CACNB4: variants seen among roughly 807,000 people sequenced by gnomAD.
CACNB4 encodes voltage-dependent L-type calcium channel subunit beta-4.
A neutral mutation model predicts 71.2 loss-of-function variants in CACNB4; 32 were observed. The observed-to-expected ratio is 0.45, with a 90% confidence interval of 0.34 to 0.60. The LOEUF (loss-of-function observed/expected upper bound fraction) is 0.60, where lower values mean the gene tolerates loss of function less well. Among genes scored for constraint, CACNB4 ranks in the 20% least tolerant of loss-of-function variants. The pLI, the probability that CACNB4 is intolerant of heterozygous loss-of-function variation, is 0.01. For missense variants in CACNB4, 464 were observed against 647.9 expected (o/e 0.72, Z 3.08); for synonymous variants, 231 against 236.9 (o/e 0.97, Z 0.23).
intron 2 of CACNB4, among the ~76,000 whole-genome samples, chr2:152,042,061 A>C (rs1453489974): frequency 6.6e-6 from 1 of 152,178 alleles, no homozygotes; most frequent in African/African-American, 2.4e-5. Context: ...CTCACCCTAA[A>C]TGCAGAGCCA....
rs1364535414 is a variant in CACNB4 at position 151,889,456 on chromosome 2, ACT to A, written c.148-6088_148-6087del. Among the ~76,000 whole-genome samples, 181 of 122,110 alleles carry A rather than the reference ACT, an allele frequency of 1.5e-3. 2 individuals carry two copies. The highest frequency in any genetic ancestry group is 5.3e-3 in the African/African-American group (173 of 32,808). The allele number at this position is 122,110 out of a possible 152,430, so 80.1% of individuals were successfully genotyped here. ...ACTCCAGCCTGGGCAACAGAGTGAG[ACT>A]CTGTCTCAAAAAAAAAAAAAAAAAA... On this transcript the variant is annotated intron_variant, in intron 2 of 13. Coordinates refer to ENST00000539935, the MANE Select transcript of CACNB4 (RefSeq NM_000726.5).
intron 2 of CACNB4, among the ~76,000 whole-genome samples, chr2:151,975,951 C>T (rs1317330416): frequency 6.6e-6 from 1 of 152,172 alleles, no homozygotes; most frequent in Non-Finnish European, 1.5e-5. Flanking sequence ...CAAATTGTTC[C>T]CAACTGGATA....
At chr2:152,072,243 ACCAGCCAAGAATGGGGACCATCATT>A (rs1686735728) in intron 2 of CACNB4, among the ~76,000 whole-genome samples, 1 of 152,222 alleles carries the variant, frequency 6.6e-6, no homozygotes, top group South Asian at 2.1e-4. Context: ...GCAGTAGGAC[ACCAGCCAAGAATGGGGACCATCATT>A]CCAGACCAAG....
At chr2:152,061,935 C>T (rs2105335239) in intron 2 of CACNB4, among the ~76,000 whole-genome samples, 1 of 151,520 alleles carries the variant, frequency 6.6e-6, no homozygotes, top group Non-Finnish European at 1.5e-5. Flanking sequence ...TCACATGAAC[C>T]CAGGAGGCAG....
chr2:151,917,471 G>A (rs1002858962), intron 2 of CACNB4, among the ~76,000 whole-genome samples: 15 of 152,150 alleles, frequency 9.9e-5, no homozygotes, highest in African/African-American at 2.2e-4. Flanking sequence ...AAAGAGCTCC[G>A]CACAGGGCAG....
At chr2:151,893,569 G>A (rs182663575) in intron 2 of CACNB4, among the ~76,000 whole-genome samples, 141 of 152,040 alleles carry the variant, frequency 9.3e-4, no homozygotes, top group African/African-American at 3.3e-3. Flanking sequence ...ATAAATTATA[G>A]ATGAAGAGAT....
At chr2:151,880,767 C>A (rs369081409) in intron 4 of CACNB4, 33 bp downstream of exon 4, 150 of 1,595,792 alleles carry the variant, frequency 9.4e-5, no homozygotes, top group Middle Eastern at 5.5e-4. Flanking sequence ...AGCTTTTTGG[C>A]AGGTGAAGGG....
At chr2:152,054,096 G>T (rs12693222) in intron 2 of CACNB4, among the ~76,000 whole-genome samples, 3 of 151,832 alleles carry the variant, frequency 2.0e-5, no homozygotes, top group Non-Finnish European at 4.4e-5. Flanking sequence ...GGCCGGGCGC[G>T]GTGGCTCACG....
chr2:151,991,312 T>G (rs987714933), intron 2 of CACNB4, among the ~76,000 whole-genome samples: 5 of 152,218 alleles, frequency 3.3e-5, no homozygotes, highest in Admixed American at 6.5e-5. Flanking sequence ...CAATAACATT[T>G]AATCCAAAAT....
At chr2:152,038,614 T>C (rs899273585) in intron 2 of CACNB4, among the ~76,000 whole-genome samples, 3 of 152,150 alleles carry the variant, frequency 2.0e-5, no homozygotes, top group African/African-American at 7.2e-5. Context: ...TAACAGCTCA[T>C]TAACAGCAGA....
intron 2 of CACNB4, among the ~76,000 whole-genome samples, chr2:151,965,309 C>A (rs2099870787): frequency 6.6e-6 from 1 of 152,204 alleles, no homozygotes; most frequent in Admixed American, 6.5e-5. Flanking sequence ...CAAGTCAGGA[C>A]TGACTTTTTC....
chr2:152,057,923 A>T (rs1685808400), intron 2 of CACNB4, among the ~76,000 whole-genome samples: 1 of 152,196 alleles, frequency 6.6e-6, no homozygotes, highest in African/African-American at 2.4e-5. Flanking sequence ...TTGAATCGTA[A>T]TCTGCATAAT....
chr2:152,084,143 T>C (rs941511606), intron 2 of CACNB4, among the ~76,000 whole-genome samples: 3 of 152,074 alleles, frequency 2.0e-5, no homozygotes, highest in African/African-American at 7.2e-5. Flanking sequence ...TTAGGTGCAG[T>C]TCGGGGCAGA....
At chr2:151,909,595 T>A (rs969329511) in intron 2 of CACNB4, among the ~76,000 whole-genome samples, 2 of 151,510 alleles carry the variant, frequency 1.3e-5, no homozygotes, top group African/African-American at 4.8e-5. Flanking sequence ...GCAGGCCCTG[T>A]GTGTGTTGTT....
intron 2 of CACNB4, among the ~76,000 whole-genome samples, chr2:151,975,844 T>C (rs539697401): frequency 6.6e-6 from 1 of 152,326 alleles, no homozygotes; most frequent in East Asian, 1.9e-4. Context: ...ACCACTTCAA[T>C]TGCAAGTATA....
At chr2:151,970,889 T>C (rs2099872334) in intron 2 of CACNB4, 1 of 151,288 alleles carries the variant, frequency 6.6e-6, no homozygotes, top group Admixed American at 6.6e-5. Flanking sequence ...TTAACTACCC[T>C]CCTGGACACC....
chr2:151,995,353 T>C (rs1681982932), intron 2 of CACNB4, among the ~76,000 whole-genome samples: 1 of 152,234 alleles, frequency 6.6e-6, no homozygotes, highest in Non-Finnish European at 1.5e-5. Context: ...GTAAGATTTA[T>C]GGCTCACAGC....
chr2:151,863,076 A>T (rs1436174087), intron 9 of CACNB4, among the ~76,000 whole-genome samples: 2 of 149,660 alleles, frequency 1.3e-5, no homozygotes, highest in African/African-American at 4.9e-5. Flanking sequence ...TTTTAATTTA[A>T]TTTTTTTGAG....
At chr2:151,855,814 C>T (rs1266477148) in intron 10 of CACNB4, among the ~76,000 whole-genome samples, 3 of 152,108 alleles carry the variant, frequency 2.0e-5, no homozygotes, top group Non-Finnish European at 4.4e-5. Flanking sequence ...TAAACTAATA[C>T]TTTGTGGACA....
Sources: gnomAD v4.1 joint callset for allele counts (sites outside exome capture counted in the v4.1 genomes callset) on GRCh38, gnomAD v4.1.1 for gene constraint, MANE v1.5 for transcripts, NCBI Gene and HGNC (gene_info 2026-07-23, HGNC 2026-07-21) for gene names.